The following LRRC27 variants were observed in gnomAD, a reference collection of about 807,000 sequenced individuals.
LRRC27 encodes the protein leucine-rich repeat-containing protein 27.
Under a neutral mutation model 55.0 loss-of-function variants are expected in LRRC27, and 57 were observed. That is an observed-to-expected ratio of 1.04 (90% CI 0.84 to 1.29). The LOEUF is 1.29. Ranked by LOEUF, LRRC27 falls within the 50% of genes most tolerant of loss-of-function variation. The pLI is 0.00. For missense variants in LRRC27, 721 were observed against 651.5 expected (o/e 1.11, Z -1.16); for synonymous variants, 278 against 251.9 (o/e 1.10, Z -0.98).
Position 132,380,107 on chromosome 10 carries a change from G to A in LRRC27, c.*4865G>A, listed in dbSNP as rs183434145. On this transcript the variant is annotated 3_prime_UTR_variant, in exon 11 of 11. Transcript: ENST00000368614. ...AGGTCAGGAGTTCAAGACCAGCCTG[G>A]CCAACATGGAGAAACCCCGTGACTA... Among the ~76,000 whole-genome samples the A allele has an allele frequency of 2.0e-4, 31 of 152,068 alleles. No individual in the cohort carries two copies. Among genetic ancestry groups the A allele is most frequent in the Non-Finnish European group, 4.4e-4 (30 of 68,006 alleles).
chr10:132,352,705 C>T (rs1036775353), intron 7 of LRRC27, among the ~76,000 whole-genome samples: 4 of 150,614 alleles, frequency 2.7e-5, no homozygotes, highest in East Asian at 2.0e-4. Flanking sequence ...GTGCAGCGCT[C>T]GTGGTCTGCA....
rs1176786343 is a variant in LRRC27, at chr10:132,361,519, G to A, written c.1233G>A (p.Pro411=). 38 of 1,613,772 alleles carry A rather than the reference G, an allele frequency of 2.4e-5. No individual in the cohort carries two copies. The highest frequency in any genetic ancestry group is 3.0e-5 in the Non-Finnish European group (35 of 1,179,978). Residue 411 remains proline, a synonymous_variant, in exon 9 of 11, where the codon CCG becomes CCA. Coordinates refer to ENST00000368614, the MANE Select transcript of LRRC27 (RefSeq NM_030626.3). ...LIDNRKVPLN[P]PGKMKPSKEK... ...ATAACAGGAAAGTACCACTGAATCC[G>A]CCTGGAAAAATGAAACCAAGCAAAG...
chr10:132,351,899 C>T, intron 7 of LRRC27, 146 bp downstream of exon 7: 1 of 1,065,884 alleles, frequency 9.4e-7, no homozygotes, highest in Admixed American at 2.9e-5. Flanking sequence ...CTCTTCCTCA[C>T]CTGGAAGCCG....
At chr10:132,336,768 C>T (rs1420336931) in intron 2 of LRRC27, 4 of 772,450 alleles carry the variant, frequency 5.2e-6, no homozygotes, top group South Asian at 2.7e-5. Context: ...GATCATTGTT[C>T]CGAACATCTG....
intron 7 of LRRC27, chr10:132,353,178 G>A (rs971508881): frequency 7.1e-7 from 1 of 1,412,548 alleles, no homozygotes. Context: ...CGAGGAGGAA[G>A]GGAGAGCGAG....
rs1179647775 is a variant in LRRC27 at position 132,380,031 on chromosome 10, T to A, written c.*4789T>A. ...TGCAGCATTGGCCGAGTGCAGTGGC[T>A]CACGCCTGTAATCCCAGCACTTTGG... On this transcript the variant is annotated 3_prime_UTR_variant, in exon 11 of 11. Transcript: ENST00000368614. 6.6e-6 allele frequency: 1 copy of A among 152,246 alleles called. No individual in the cohort carries two copies. Among genetic ancestry groups the A allele is most frequent in the Non-Finnish European group, 1.5e-5 (1 of 68,120 alleles). The allele number at this position is 152,246 out of a possible 1,614,324, so 9.4% of individuals were successfully genotyped here. A position where few individuals can be genotyped will look rare whatever the true frequency, so the allele number is the denominator to read the frequency against.
At chr10:132,346,415 GC>G (rs1402452888) in intron 5 of LRRC27, among the ~76,000 whole-genome samples, 1 of 152,180 alleles carries the variant, frequency 6.6e-6, no homozygotes, top group East Asian at 1.9e-4. Context: ...GGTGGCTCAC[GC>G]CTGTGATCCC....
intron 9 of LRRC27, 63 bp from the exon 10 acceptor site, chr10:132,365,361 G>A (rs553171254): frequency 4.8e-5 from 76 of 1,595,140 alleles, no homozygotes; most frequent in African/African-American, 2.7e-4. Context: ...TGGTTATGGC[G>A]GGAGTTGCTA....
chr10:132,358,010 C>T (rs538221178), intron 8 of LRRC27, among the ~76,000 whole-genome samples: 18 of 152,314 alleles, frequency 1.2e-4, no homozygotes, highest in East Asian at 1.9e-4. Context: ...TCTGGGCCTG[C>T]GCTGGCCCAG....
At chr10:132,357,406 A>G (rs1242748797) in intron 8 of LRRC27, among the ~76,000 whole-genome samples, 1 of 152,274 alleles carries the variant, frequency 6.6e-6, no homozygotes, top group Non-Finnish European at 1.5e-5. Context: ...TAGCAAAAAT[A>G]TGGGAAACTT....
chr10:132,333,861 A>C, intron 2 of LRRC27, 127 bp downstream of exon 2: 1 of 737,002 alleles, frequency 1.4e-6, no homozygotes, highest in Non-Finnish European at 2.1e-6. Flanking sequence ...AATTAAATAG[A>C]GGAAAGGTTA....
At chr10:132,332,606 C>T (rs2138551934) in intron 1 of LRRC27, 1 of 152,228 alleles carries the variant, frequency 6.6e-6, no homozygotes, top group East Asian at 1.9e-4. Context: ...GAAGCCTCCC[C>T]TCCTCTGTTT....
At position 132,344,610 on chromosome 10, in the gene LRRC27, G is replaced by A. The variant is rs1409762110; in HGVS notation, c.513G>A (p.Trp171Ter). The A allele has an allele frequency of 1.2e-6, 2 of 1,614,008 alleles. No homozygotes were observed. Among genetic ancestry groups the A allele is most frequent in the Middle Eastern group, 1.6e-4 (1 of 6,084 alleles). The change falls in exon 5 of 11, where the codon TGG becomes TGA. Residue 171 changes from tryptophan to a stop codon, truncating the protein, a stop_gained. Coordinates refer to ENST00000368614, the MANE Select transcript of LRRC27 (RefSeq NM_030626.3). LOFTEE classifies it high-confidence loss of function. ...LVAIQRFLRM[W>*]AVEHSLPRNP... ...CTATCCAGCGCTTCCTGCGGATGTGGGCAGTAGAACACTCTCTCCCCAGAA... is the reference window on the plus strand; with the variant it reads ...CTATCCAGCGCTTCCTGCGGATGTGAGCAGTAGAACACTCTCTCCCCAGAA...
intron 2 of LRRC27, among the ~76,000 whole-genome samples, chr10:132,335,475 T>TG (rs59837689): frequency 0.029 from 4,033 of 140,364 alleles, 147 homozygotes; most frequent in African/African-American, 0.09. Context: ...CTGAGTACTA[T>TG]GGGGGGGGGT....
chr10:132,345,285 T>C (rs1305897319), intron 5 of LRRC27, among the ~76,000 whole-genome samples: 1 of 152,234 alleles, frequency 6.6e-6, no homozygotes, highest in African/African-American at 2.4e-5. Context: ...ATATTTAAAA[T>C]TTTACTATTT....
chr10:132,350,322 G>A (rs983366126), intron 6 of LRRC27: 7 of 152,360 alleles, frequency 4.6e-5, no homozygotes, highest in Admixed American at 1.3e-4. Context: ...TGATTCTGAC[G>A]TCCAGCAGGC....
chr10:132,352,092 G>T (rs2068054312), intron 7 of LRRC27, among the ~76,000 whole-genome samples: 1 of 89,230 alleles, frequency 1.1e-5, no homozygotes. Flanking sequence ...GCTCCGTGTG[G>T]GGCAGATGCT....
rs1329007019 is a variant in LRRC27 at position 132,364,377 on chromosome 10, C to G, written c.1290-1047C>G. On this transcript the variant is annotated intron_variant, in intron 9 of 10. Transcript: ENST00000368614. ...CCTCCACACCCGCGCTTACACCCAC[C>G]CACACTTACACCCACCCTTACATCT... is the stretch of plus-strand genomic sequence containing the variant. 8.3e-4 allele frequency among the ~76,000 whole-genome samples: 70 copies of G among 84,804 alleles called. 1 individual carries two copies. Among genetic ancestry groups the G allele is most frequent in the East Asian group, 7.5e-3 (10 of 1,336 alleles). 55.6% of individuals were successfully genotyped at this position (84,804 alleles called of 152,430 possible).
intron 8 of LRRC27, among the ~76,000 whole-genome samples, chr10:132,361,134 C>G (rs1285531559): frequency 6.6e-6 from 1 of 152,216 alleles, no homozygotes; most frequent in Admixed American, 6.5e-5. Flanking sequence ...GCCACTGCAG[C>G]AAACCTGGCG....
Sources: gnomAD v4.1 joint callset for allele counts (sites outside exome capture counted in the v4.1 genomes callset) on GRCh38, gnomAD v4.1.1 for gene constraint, MANE v1.5 for transcripts, NCBI Gene and HGNC (gene_info 2026-07-23, HGNC 2026-07-21) for gene names.